COL22A1: variants seen among roughly 807,000 people sequenced by gnomAD.
The protein encoded by COL22A1 is collagen type XXII alpha 1 chain, also known as collagen alpha-1(XXII) chain.
COL22A1 carries 221 observed loss-of-function variants against 248.9 expected under a neutral mutation model. That is an observed-to-expected ratio of 0.89 (90% CI 0.80 to 0.99). COL22A1 has a LOEUF of 0.99. COL22A1 is among the 50% of genes least tolerant of loss of function. COL22A1 has a pLI of 0.00. For synonymous variants in COL22A1, 891 were observed against 793.4 expected (o/e 1.12, Z -2.07); for missense variants, 2,240 against 2,179.0 (o/e 1.03, Z -0.56).
chr8:138,682,177 G>A (rs7844188), intron 39 of COL22A1, among the ~76,000 whole-genome samples: 113,166 of 152,010 alleles, frequency 0.74, 42,355 homozygotes, highest in East Asian at 0.85. Flanking sequence ...CTACTGTTTG[G>A]AGAATGGTTT....
intron 27 of COL22A1, among the ~76,000 whole-genome samples, chr8:138,719,183 G>C (rs1359435278): frequency 6.6e-6 from 1 of 151,976 alleles, no homozygotes; most frequent in Non-Finnish European, 1.5e-5. Flanking sequence ...ACACTGAAAG[G>C]TGGCCCGAGT....
chr8:138,598,592 C>T (rs968670096), intron 61 of COL22A1, 127 bp downstream of exon 61: 2 of 881,842 alleles, frequency 2.3e-6, no homozygotes, highest in Non-Finnish European at 3.5e-6. Flanking sequence ...TAGCCTGCCC[C>T]AGGTCATACC....
At chr8:138,878,925 G>A (rs1194791835) in intron 2 of COL22A1, among the ~76,000 whole-genome samples, 1 of 152,046 alleles carries the variant, frequency 6.6e-6, no homozygotes, top group Non-Finnish European at 1.5e-5. Context: ...GGAGAATGGC[G>A]TGAACCCGGG....
At chr8:138,635,523 C>T (rs1426672683) in intron 48 of COL22A1, among the ~76,000 whole-genome samples, 2 of 152,126 alleles carry the variant, frequency 1.3e-5, no homozygotes, top group Non-Finnish European at 2.9e-5. Context: ...ATTACAGCCT[C>T]CATATTCTGG....
chr8:138,589,063 C>A lies in COL22A1; in HGVS notation c.*190G>T. The A allele has an allele frequency of 1.7e-6, 1 of 574,330 alleles. No individual in the cohort carries two copies. The highest frequency in any genetic ancestry group is 2.0e-5 in the African/African-American group (1 of 50,550). The allele number at this position is 574,330 out of a possible 1,614,324, so 35.6% of individuals were successfully genotyped here. On this transcript the variant is annotated 3_prime_UTR_variant, in exon 65 of 65. Transcript: ENST00000303045. ...AACAATAATATTAATAATAATCTGA[C>A]CGACCGGCAGCGTCTGTTGGATTTA...
At chr8:138,743,574 C>T (rs73437337) in intron 22 of COL22A1, among the ~76,000 whole-genome samples, 171 of 152,110 alleles carry the variant, frequency 1.1e-3, no homozygotes, top group African/African-American at 3.6e-3. Context: ...GATGTAGCAG[C>T]GGCTATGTAA....
intron 43 of COL22A1, 142 bp downstream of exon 43, chr8:138,661,888 T>A: frequency 1.9e-6 from 1 of 527,942 alleles, no homozygotes; most frequent in Non-Finnish European, 3.4e-6. Context: ...ATAAAAAGCA[T>A]GTCCATGGGG....
At chr8:138,619,622 T>C (rs1351854026) in intron 52 of COL22A1, 114 bp from the exon 53 acceptor site, 1 of 939,154 alleles carries the variant, frequency 1.1e-6, no homozygotes, top group Non-Finnish European at 1.7e-6. Context: ...CTATCCACCC[T>C]GTCAGCCCTT....
chr8:138,648,205 G>A (rs1326723853), intron 46 of COL22A1, among the ~76,000 whole-genome samples: 1 of 152,158 alleles, frequency 6.6e-6, no homozygotes, highest in African/African-American at 2.4e-5. Flanking sequence ...TCCTTCCAGG[G>A]TTCCAGAGTG....
intron 30 of COL22A1, 107 bp from the exon 31 acceptor site, chr8:138,703,454 T>A (rs552079600): frequency 9.4e-7 from 1 of 1,069,370 alleles, no homozygotes; most frequent in East Asian, 2.4e-5. Flanking sequence ...GAAGGTGTTG[T>A]CTTCTGCAGG....
At chr8:138,757,605 A>G (rs1833124450) in intron 18 of COL22A1, among the ~76,000 whole-genome samples, 1 of 152,214 alleles carries the variant, frequency 6.6e-6, no homozygotes, top group African/African-American at 2.4e-5. Context: ...ATCCATCCCT[A>G]ACAACTGTGT....
chr8:138,632,957 A>AT (rs1820850630), intron 49 of COL22A1, among the ~76,000 whole-genome samples: 1 of 152,130 alleles, frequency 6.6e-6, no homozygotes, highest in South Asian at 2.1e-4. Flanking sequence ...GCATATGGGG[A>AT]TGGGGTAAGT....
chr8:138,654,642 G>A (rs1823060560), intron 45 of COL22A1, among the ~76,000 whole-genome samples: 1 of 152,114 alleles, frequency 6.6e-6, no homozygotes, highest in Non-Finnish European at 1.5e-5. Flanking sequence ...CTCCTCACTT[G>A]CTGCAGCACC....
intron 39 of COL22A1, among the ~76,000 whole-genome samples, chr8:138,682,020 G>A (rs911579308): frequency 6.6e-6 from 1 of 152,130 alleles, no homozygotes; most frequent in Non-Finnish European, 1.5e-5. Flanking sequence ...AATTATTTCT[G>A]GAGCCTCACA....
intron 30 of COL22A1, among the ~76,000 whole-genome samples, chr8:138,709,296 C>T (rs552612644): frequency 1.3e-5 from 2 of 152,112 alleles, no homozygotes; most frequent in South Asian, 4.2e-4. Context: ...AGGTATATAC[C>T]CAAAGGATTA....
At chr8:138,765,753 C>A (rs1465287003) in intron 16 of COL22A1, among the ~76,000 whole-genome samples, 1 of 152,184 alleles carries the variant, frequency 6.6e-6, no homozygotes, top group African/African-American at 2.4e-5. Flanking sequence ...GGCGGGGAGG[C>A]AGGACCCAGC....
At chr8:138,770,569 C>G (rs1166277544) in intron 16 of COL22A1, among the ~76,000 whole-genome samples, 1 of 152,240 alleles carries the variant, frequency 6.6e-6, no homozygotes, top group African/African-American at 2.4e-5. Flanking sequence ...GGGGCACTGT[C>G]CCACCCCATG....
At chr8:138,778,514 C>G (rs1814682312) in intron 14 of COL22A1, 108 bp from the exon 15 acceptor site, 4 of 974,042 alleles carry the variant, frequency 4.1e-6, no homozygotes, top group Admixed American at 2.9e-5. Context: ...TGCTAGCTCA[C>G]CTCTCACCAA....
chr8:138,758,025 G>A (rs1376789947), intron 18 of COL22A1, among the ~76,000 whole-genome samples: 2 of 152,212 alleles, frequency 1.3e-5, no homozygotes, highest in Admixed American at 6.6e-5. Context: ...AAAAATGACT[G>A]TGGCTTCCAT....
Sources: allele counts gnomAD v4.1 joint callset (sites outside exome capture counted in the v4.1 genomes callset), GRCh38; gene constraint gnomAD v4.1.1; transcripts MANE v1.5; gene names NCBI Gene and HGNC (gene_info 2026-07-23, HGNC 2026-07-21).